FREM1: variants seen among roughly 807,000 people sequenced by gnomAD.
FREM1 encodes the protein FRAS1-related extracellular matrix protein 1.
In FREM1, 220 loss-of-function variants were observed where a neutral mutation model predicts 210.1. The ratio of observed to expected loss-of-function variants is 1.05; its 90% CI spans 0.94 to 1.17. FREM1 has a LOEUF of 1.17. Among genes scored for constraint, FREM1 ranks in the 50% most tolerant of loss-of-function variants. The pLI is 0.00. For synonymous variants in FREM1, 1,189 were observed against 980.2 expected (o/e 1.21, Z -3.98); for missense variants, 3,454 against 2,675.5 (o/e 1.29, Z -6.42).
intron 2 of FREM1, among the ~76,000 whole-genome samples, chr9:14,865,625 C>T (rs1165945732): frequency 3.3e-5 from 5 of 150,460 alleles, no homozygotes; most frequent in Non-Finnish European, 5.9e-5. Context: ...TGGCTTTCAG[C>T]TTATTACTAA....
chr9:14,766,068 G>A (rs1846347012), intron 27 of FREM1, among the ~76,000 whole-genome samples: 1 of 152,020 alleles, frequency 6.6e-6, no homozygotes, highest in South Asian at 2.1e-4. Flanking sequence ...CAGGGGGTGA[G>A]GCAATAAGAT....
At chr9:14,864,276 TTC>T (rs1831116013) in intron 2 of FREM1, among the ~76,000 whole-genome samples, 1 of 152,186 alleles carries the variant, frequency 6.6e-6, no homozygotes, top group South Asian at 2.1e-4. Flanking sequence ...AGTTAGAGAG[TTC>T]TTTCTGTGTG....
chr9:14,866,836 T>C (rs1831610218), intron 2 of FREM1, among the ~76,000 whole-genome samples: 1 of 151,828 alleles, frequency 6.6e-6, no homozygotes, highest in Non-Finnish European at 1.5e-5. Context: ...TTTTACCCTC[T>C]CTCAAAACTC....
intron 30 of FREM1, among the ~76,000 whole-genome samples, chr9:14,749,190 A>T (rs1017753458): frequency 7.9e-5 from 12 of 152,224 alleles, no homozygotes; most frequent in African/African-American, 1.4e-4. Flanking sequence ...AAAAAATTTG[A>T]GGGCAAAACC....
At chr9:14,822,581 G>A (rs78851862) in intron 13 of FREM1, among the ~76,000 whole-genome samples, 2,677 of 152,236 alleles carry the variant, frequency 0.018, 71 homozygotes, top group African/African-American at 0.062. Context: ...CAGGGGAACC[G>A]GGTAGGTATG....
At chr9:14,851,139 G>T in intron 6 of FREM1, 145 bp downstream of exon 6, 1 of 643,796 alleles carries the variant, frequency 1.6e-6, no homozygotes, top group Non-Finnish European at 2.6e-6. Flanking sequence ...GCTCCTCTGG[G>T]CAGTGAGTGT....
chr9:14,851,117 C>T (rs527566679), intron 6 of FREM1, among the ~76,000 whole-genome samples, 167 bp downstream of exon 6: 1 of 152,208 alleles, frequency 6.6e-6, no homozygotes, highest in East Asian at 1.9e-4. Flanking sequence ...GCTCATTGAC[C>T]CCACCTGCCT....
intron 25 of FREM1, among the ~76,000 whole-genome samples, chr9:14,771,119 A>G (rs1563884137): frequency 6.6e-6 from 1 of 152,140 alleles, no homozygotes. Flanking sequence ...GATTCCCTGC[A>G]CTTGGCACAG....
Position 14,813,752 on chromosome 9 carries a change from C to T in FREM1, c.2641-688G>A, listed in dbSNP as rs185101541. 4.5e-3 allele frequency among the ~76,000 whole-genome samples: 655 copies of T among 144,598 alleles called. 3 individuals are homozygous for T. Among genetic ancestry groups the T allele is most frequent in the Non-Finnish European group, 5.7e-3 (382 of 66,846 alleles). 94.9% of individuals were successfully genotyped at this position (144,598 alleles called of 152,430 possible). On this transcript the variant is annotated intron_variant, in intron 15 of 36. Coordinates refer to ENST00000380880, the MANE Select transcript of FREM1 (RefSeq NM_001379081.2). ...AAGATCGTGTAGAAATCTGGAAAAG[C>T]ATATCTTCTAAAAGGGAGTGAGGAC... is the stretch of plus-strand genomic sequence containing the variant.
chr9:14,747,631 A>G (rs1563822397), intron 32 of FREM1, 50 bp downstream of exon 32: 4 of 1,113,748 alleles, frequency 3.6e-6, no homozygotes, highest in Non-Finnish European at 5.1e-6. Flanking sequence ...TTCATTAAAT[A>G]CTTGCATCCA....
At chr9:14,895,064 G>A (rs892761703) in intron 1 of FREM1, among the ~76,000 whole-genome samples, 3 of 152,040 alleles carry the variant, frequency 2.0e-5, no homozygotes, top group Non-Finnish European at 4.4e-5. Flanking sequence ...GGAGCTCCAG[G>A]TTATCTTGGG....
At chr9:14,878,137 C>T (rs777957666) in intron 1 of FREM1, among the ~76,000 whole-genome samples, 1 of 152,174 alleles carries the variant, frequency 6.6e-6, no homozygotes, top group African/African-American at 2.4e-5. Flanking sequence ...CACTGCTCTG[C>T]TCAAAACTTC....
chr9:14,763,342 G>C (rs535775289), intron 27 of FREM1, among the ~76,000 whole-genome samples: 1 of 152,164 alleles, frequency 6.6e-6, no homozygotes, highest in African/African-American at 2.4e-5. Context: ...CTCCTTGGGA[G>C]AAAAGTCACC....
At chr9:14,758,673 G>A (rs1844865290) in intron 28 of FREM1, among the ~76,000 whole-genome samples, 1 of 139,786 alleles carries the variant, frequency 7.2e-6, no homozygotes, top group Non-Finnish European at 1.6e-5. Flanking sequence ...TCATCAGATG[G>A]TGGGGGGATG....
At chr9:14,761,677 G>A (rs1845520976) in intron 27 of FREM1, among the ~76,000 whole-genome samples, 1 of 152,176 alleles carries the variant, frequency 6.6e-6, no homozygotes, top group Non-Finnish European at 1.5e-5. Context: ...GCTGTTCTGA[G>A]TAGTGTGATG....
At chr9:14,852,556 C>G (rs1228123565) in intron 5 of FREM1, among the ~76,000 whole-genome samples, 2 of 152,122 alleles carry the variant, frequency 1.3e-5, no homozygotes, top group Non-Finnish European at 2.9e-5. Context: ...ATTAGACAGG[C>G]ATGGTGGTGC....
At chr9:14,862,814 T>C (rs1412604450) in intron 3 of FREM1, among the ~76,000 whole-genome samples, 2 of 152,188 alleles carry the variant, frequency 1.3e-5, no homozygotes, top group Admixed American at 1.3e-4. Flanking sequence ...TTATCAGTGC[T>C]TCGTTGTTTT....
intron 1 of FREM1, among the ~76,000 whole-genome samples, chr9:14,908,868 T>C (rs73642456): frequency 0.027 from 4,147 of 152,218 alleles, 166 homozygotes; most frequent in African/African-American, 0.087. Flanking sequence ...TGGGGGTTCT[T>C]ACACACAGTC....
In FREM1 at chr9:14,868,724, A is replaced by T; in HGVS notation, c.234+20T>A. ...GCATTCATACACACGACTGAACAGA[A>T]AATCGCAGATAGGACCTACCTGTGG... On this transcript the variant is annotated intron_variant, in intron 2 of 36. Transcript: ENST00000380880. The T allele has an allele frequency of 6.7e-7, 1 of 1,501,724 alleles. No individual in the cohort carries two copies. The highest frequency in any genetic ancestry group is 9.2e-7 in the Non-Finnish European group (1 of 1,085,516). The allele number at this position is 1,501,724 out of a possible 1,614,324, so 93.0% of individuals were successfully genotyped here.
Sources: gnomAD v4.1 joint callset for allele counts (sites outside exome capture counted in the v4.1 genomes callset) on GRCh38, gnomAD v4.1.1 for gene constraint, MANE v1.5 for transcripts, NCBI Gene and HGNC (gene_info 2026-07-23, HGNC 2026-07-21) for gene names.